Variants in FOCAD observed in about 807,000 individuals in gnomAD.
The protein encoded by FOCAD is focadhesin, also known as KIAA1797.
FOCAD carries 198 observed loss-of-function variants against 225.6 expected under a neutral mutation model. That is an observed-to-expected ratio of 0.88 (90% confidence interval 0.78 to 0.99). FOCAD has a LOEUF of 0.99. Ranked by LOEUF, FOCAD falls within the 50% of genes least tolerant of loss-of-function variation. The probability of loss-of-function intolerance (pLI) is 0.00; values close to 1 mark genes in which losing one functional copy is unlikely to be tolerated. For synonymous variants in FOCAD, 897 were observed against 755.0 expected, an observed-to-expected ratio of 1.19 and a Z score of -3.08; for missense variants, 2,713 against 2,123.6, an observed-to-expected ratio of 1.28 and a Z score of -5.46.
Position 20,986,402 on chromosome 9 carries a change from G to A in FOCAD, c.4843G>A (p.Val1615Met), listed in dbSNP as rs376770371. Residue 1615 changes from valine (V) to methionine (M), a missense_variant, in exon 40 of 44, where the codon GTG (valine) becomes ATG (methionine). Physicochemically the swap from Val to Met is conservative, Grantham distance 21. Transcript: ENST00000338382. The part of the protein sequence containing the change: ...SVAVQHREKE[V>M]LAWMILHSLY... Reference sequence around the variant, plus strand: ...TGCTGTGCAGCACCGTGAGAAAGAGGTGTTGGCCTGGATGATTCTGCACAG... The same window carrying A: ...TGCTGTGCAGCACCGTGAGAAAGAGATGTTGGCCTGGATGATTCTGCACAG... 1 of 1,612,948 alleles carries A rather than the reference G, an allele frequency of 6.2e-7. No homozygotes were observed. Among genetic ancestry groups the A allele is most frequent in the Non-Finnish European group, 8.5e-7 (1 of 1,179,818 alleles).
chr9:20,882,112 C>T, intron 20 of FOCAD, 56 bp downstream of exon 20: 1 of 1,501,800 alleles, frequency 6.7e-7, no homozygotes, highest in African/African-American at 1.4e-5. Context: ...GATTTAACTT[C>T]CACTTTCAAG....
intron 23 of FOCAD, among the ~76,000 whole-genome samples, chr9:20,913,190 G>A (rs1471631667): frequency 2.7e-5 from 3 of 109,136 alleles, no homozygotes; most frequent in South Asian, 6.8e-4. Flanking sequence ...ACACACACAC[G>A]TTCTAAAACA....
At chr9:20,840,256 G>A (rs1156632555) in intron 15 of FOCAD, among the ~76,000 whole-genome samples, 1 of 151,868 alleles carries the variant, frequency 6.6e-6, no homozygotes. Context: ...AAATAATGTG[G>A]ACATTTTAAC....
At chr9:20,893,313 C>T (rs1348006432) in intron 21 of FOCAD, among the ~76,000 whole-genome samples, 1 of 149,182 alleles carries the variant, frequency 6.7e-6, no homozygotes, top group Non-Finnish European at 1.5e-5. Flanking sequence ...ACAAAAAAAA[C>T]TGTATGACTC....
At chr9:20,666,972 C>CA (rs748961281) in intron 2 of FOCAD, among the ~76,000 whole-genome samples, 1 of 151,878 alleles carries the variant, frequency 6.6e-6, no homozygotes, top group African/African-American at 2.4e-5. Context: ...AACAAACAAA[C>CA]AAAAAAACCC....
At chr9:20,696,690 A>G (rs1421329602) in intron 1 of FOCAD, among the ~76,000 whole-genome samples, 1 of 152,192 alleles carries the variant, frequency 6.6e-6, no homozygotes, top group African/African-American at 2.4e-5. Flanking sequence ...CTGTACTTCC[A>G]GCTACTTTGG....
intron 15 of FOCAD, among the ~76,000 whole-genome samples, chr9:20,846,862 T>C (rs1827166299): frequency 6.6e-6 from 1 of 152,120 alleles, no homozygotes; most frequent in Admixed American, 6.6e-5. Flanking sequence ...CATTGCCAAA[T>C]ACTGTGCCAA....
chr9:20,674,261 T>G (rs1318207244), intron 2 of FOCAD, among the ~76,000 whole-genome samples: 2 of 152,240 alleles, frequency 1.3e-5, no homozygotes, highest in Non-Finnish European at 2.9e-5. Flanking sequence ...TTATTTATGC[T>G]ATTGAGGTTA....
intron 28 of FOCAD, among the ~76,000 whole-genome samples, chr9:20,935,359 G>A (rs1256519032): frequency 6.6e-6 from 1 of 152,074 alleles, no homozygotes; most frequent in Non-Finnish European, 1.5e-5. Context: ...CATGTATGGG[G>A]ACATGGATGC....
At chr9:20,892,568 G>A (rs1831708402) in intron 21 of FOCAD, among the ~76,000 whole-genome samples, 1 of 152,090 alleles carries the variant, frequency 6.6e-6, no homozygotes, top group African/African-American at 2.4e-5. Flanking sequence ...ATTAGAAGTA[G>A]AGCCTGAGGA....
chr9:20,946,643 C>T, intron 29 of FOCAD, 58 bp from the exon 30 acceptor site: 1 of 1,557,458 alleles, frequency 6.4e-7, no homozygotes, highest in Admixed American at 1.9e-5. Flanking sequence ...GTCAACTAAA[C>T]CGAGTTCTTT....
chr9:20,921,899 T>C (rs1276911789), intron 24 of FOCAD, among the ~76,000 whole-genome samples: 1 of 152,170 alleles, frequency 6.6e-6, no homozygotes, highest in African/African-American at 2.4e-5. Context: ...TTTATGACTT[T>C]TGATACCCAG....
intron 15 of FOCAD, among the ~76,000 whole-genome samples, chr9:20,825,487 G>GATCT (rs1824794308): frequency 6.6e-6 from 1 of 152,022 alleles, no homozygotes; most frequent in African/African-American, 2.4e-5. Context: ...TTACTGTTTA[G>GATCT]ATCCTTGACT....
At chr9:20,917,951 C>G (rs1834009653) in intron 24 of FOCAD, among the ~76,000 whole-genome samples, 1 of 152,210 alleles carries the variant, frequency 6.6e-6, no homozygotes, top group African/African-American at 2.4e-5. Context: ...TCCCCTGACT[C>G]AGTCCTATGG....
At chr9:20,906,873 G>A (rs1480163736) in intron 21 of FOCAD, among the ~76,000 whole-genome samples, 5 of 151,986 alleles carry the variant, frequency 3.3e-5, no homozygotes, top group Non-Finnish European at 7.4e-5. Context: ...GGGTTGATTT[G>A]TATTACATGT....
intron 43 of FOCAD, 65 bp downstream of exon 43, chr9:20,993,393 A>C: frequency 7.4e-7 from 1 of 1,357,834 alleles, no homozygotes; most frequent in Non-Finnish European, 1.0e-6. Context: ...GTGGAGCAGA[A>C]TGGCATTCTA....
chr9:20,927,454 A>G (rs546515089), intron 26 of FOCAD, among the ~76,000 whole-genome samples: 33 of 152,240 alleles, frequency 2.2e-4, no homozygotes, highest in African/African-American at 7.7e-4. Context: ...TGTGAAGATC[A>G]AATAATATAC....
At chr9:20,710,660 T>C (rs1477915646) in intron 1 of FOCAD, among the ~76,000 whole-genome samples, 1 of 152,150 alleles carries the variant, frequency 6.6e-6, no homozygotes, top group African/African-American at 2.4e-5. Flanking sequence ...TTGCATATTA[T>C]ATCACTCTAT....
chr9:20,793,180 A>C (rs1475239046), intron 11 of FOCAD, among the ~76,000 whole-genome samples: 2 of 152,144 alleles, frequency 1.3e-5, no homozygotes, highest in Non-Finnish European at 2.9e-5. Context: ...TTCCCTGGTA[A>C]CCATAGCATC....
Sources: allele counts gnomAD v4.1 joint callset (sites outside exome capture counted in the v4.1 genomes callset), GRCh38; gene constraint gnomAD v4.1.1; transcripts MANE v1.5; gene names NCBI Gene and HGNC (gene_info 2026-07-23, HGNC 2026-07-21).